The following NEDD4L variants were observed in gnomAD, a reference collection of about 807,000 sequenced individuals.
NEDD4L encodes NEDD4 like E3 ubiquitin protein ligase.
Under a neutral mutation model 148.9 loss-of-function variants are expected in NEDD4L, and 54 were observed. That is an observed-to-expected ratio of 0.36 (90% CI 0.29 to 0.45). The LOEUF (loss-of-function observed/expected upper bound fraction) is 0.45. Ranked by LOEUF, NEDD4L falls within the 20% of genes least tolerant of loss-of-function variation. The probability of loss-of-function intolerance (pLI) is 1.00; values close to 1 mark genes in which losing one functional copy is unlikely to be tolerated. For synonymous variants in NEDD4L, 433 were observed against 440.7 expected (o/e 0.98, Z 0.22); for missense variants, 856 against 1,233.8 (o/e 0.69, Z 4.59).
chr18:58,081,432 G>A (rs1165946488), intron 1 of NEDD4L, among the ~76,000 whole-genome samples: 2 of 151,858 alleles, frequency 1.3e-5, no homozygotes, highest in East Asian at 1.9e-4. Flanking sequence ...AGCCAGGAAG[G>A]TCTCGATCTC....
chr18:58,358,224 G>A (rs755821098), intron 19 of NEDD4L, among the ~76,000 whole-genome samples: 3 of 152,018 alleles, frequency 2.0e-5, no homozygotes, highest in East Asian at 1.9e-4. Flanking sequence ...AATGTGCCCC[G>A]GTAACTGACT....
intron 19 of NEDD4L, 61 bp from the exon 20 acceptor site, chr18:58,364,207 G>A (rs2045849247): frequency 1.0e-6 from 1 of 957,806 alleles, no homozygotes; most frequent in African/African-American, 1.6e-5. Context: ...TGTTGCCTCA[G>A]TATACATAAA....
At chr18:58,226,724 A>T (rs2044395362) in intron 2 of NEDD4L, among the ~76,000 whole-genome samples, 1 of 152,158 alleles carries the variant, frequency 6.6e-6, no homozygotes, top group South Asian at 2.1e-4. Context: ...GCACTGTGCT[A>T]GAGGGTGTAC....
chr18:58,179,671 C>T (rs763639191), intron 2 of NEDD4L, among the ~76,000 whole-genome samples: 28 of 151,952 alleles, frequency 1.8e-4, no homozygotes, highest in Non-Finnish European at 3.8e-4. Context: ...TGGAACTTTG[C>T]ATGTGAGGGA....
intron 2 of NEDD4L, among the ~76,000 whole-genome samples, chr18:58,176,244 T>C (rs1428250275): frequency 6.6e-6 from 1 of 152,072 alleles, no homozygotes; most frequent in African/African-American, 2.4e-5. Context: ...TCCCTGTCCC[T>C]CTCTCCTGCC....
chr18:58,094,307 C>T (rs1025434261), intron 1 of NEDD4L, among the ~76,000 whole-genome samples: 1 of 152,034 alleles, frequency 6.6e-6, no homozygotes, highest in Non-Finnish European at 1.5e-5. Flanking sequence ...GCCACAGCCT[C>T]CCAGATAGCT....
intron 1 of NEDD4L, chr18:58,046,488 C>G (rs1378153400): frequency 2.0e-5 from 3 of 151,964 alleles, no homozygotes; most frequent in African/African-American, 7.3e-5. Flanking sequence ...GTAAAAACTC[C>G]CCCGAAAAAA....
chr18:58,064,414 A>AT (rs146122815), intron 1 of NEDD4L, among the ~76,000 whole-genome samples: 3,185 of 152,288 alleles, frequency 0.021, 101 homozygotes, highest in African/African-American at 0.073. Flanking sequence ...TAATAGCATG[A>AT]TTTTAATGTG....
intron 1 of NEDD4L, among the ~76,000 whole-genome samples, chr18:58,094,018 A>G (rs1257920517): frequency 6.6e-6 from 1 of 152,038 alleles, no homozygotes; most frequent in Non-Finnish European, 1.5e-5. Flanking sequence ...TTACACTGCC[A>G]CAGATGGTGG....
intron 1 of NEDD4L, among the ~76,000 whole-genome samples, chr18:58,052,287 A>G (rs8093704): frequency 0.9 from 137,642 of 152,216 alleles, 62,310 homozygotes; most frequent in East Asian, 1. Flanking sequence ...GTGGTTGGCG[A>G]TGTAAAGATC....
chr18:58,367,705 T>C (rs1246535860), intron 21 of NEDD4L, 41 bp from the exon 22 acceptor site: 2 of 1,610,890 alleles, frequency 1.2e-6, no homozygotes, highest in East Asian at 2.2e-5. Flanking sequence ...ATCTTGCATT[T>C]GAAAGTGTGA....
At chr18:58,259,783 C>T (rs1490563884) in intron 5 of NEDD4L, among the ~76,000 whole-genome samples, 10 of 152,184 alleles carry the variant, frequency 6.6e-5, no homozygotes, top group East Asian at 5.8e-4. Flanking sequence ...GAGAAGAGAG[C>T]GTTCTTTCAG....
intron 2 of NEDD4L, among the ~76,000 whole-genome samples, chr18:58,202,023 G>A (rs952901597): frequency 2.6e-5 from 4 of 152,132 alleles, no homozygotes; most frequent in African/African-American, 7.2e-5. Context: ...TATTTTTGTC[G>A]AGGCATTCCA....
chr18:58,052,593 C>G (rs2081921597), intron 1 of NEDD4L, among the ~76,000 whole-genome samples: 1 of 151,376 alleles, frequency 6.6e-6, no homozygotes, highest in Non-Finnish European at 1.5e-5. Flanking sequence ...ATTTTGTATT[C>G]TTTTTATACC....
chr18:58,089,841 CTTTTTTTT>C (rs759472299), intron 1 of NEDD4L, among the ~76,000 whole-genome samples: 4 of 137,938 alleles, frequency 2.9e-5, no homozygotes, highest in African/African-American at 1.1e-4. Flanking sequence ...CTTCCTTTTC[CTTTTTTTT>C]TTTTTTTTGA....
chr18:58,295,031 C>T (rs748955768), intron 5 of NEDD4L, among the ~76,000 whole-genome samples: 56 of 152,258 alleles, frequency 3.7e-4, no homozygotes, highest in Non-Finnish European at 6.8e-4. Flanking sequence ...GTATTTCCCC[C>T]ACACAGGCAC....
At chr18:58,065,800 C>G (rs1397086689) in intron 1 of NEDD4L, among the ~76,000 whole-genome samples, 3 of 152,174 alleles carry the variant, frequency 2.0e-5, no homozygotes, top group Non-Finnish European at 2.9e-5. Flanking sequence ...TGAACCTTTT[C>G]TAGAAGTTAA....
chr18:58,069,905 G>T (rs2082779705), intron 1 of NEDD4L, among the ~76,000 whole-genome samples: 1 of 152,124 alleles, frequency 6.6e-6, no homozygotes, highest in Admixed American at 6.6e-5. Context: ...CCCATTCCCG[G>T]CCCCTGACCA....
At chr18:58,377,568 T>C (rs2047724683) in intron 24 of NEDD4L, among the ~76,000 whole-genome samples, 1 of 152,080 alleles carries the variant, frequency 6.6e-6, no homozygotes, top group African/African-American at 2.4e-5. Flanking sequence ...ACTGAAGAAA[T>C]GTCAGTGTTT....
Sources: gnomAD v4.1 joint callset for allele counts (sites outside exome capture counted in the v4.1 genomes callset) on GRCh38, gnomAD v4.1.1 for gene constraint, MANE v1.5 for transcripts, NCBI Gene and HGNC (gene_info 2026-07-23, HGNC 2026-07-21) for gene names.